The following EPHA3 variants were observed in gnomAD, a reference collection of about 807,000 sequenced individuals.
EPHA3 encodes EPH receptor A3.
EPHA3 carries 42 observed loss-of-function variants against 107.1 expected under a neutral mutation model. The observed-to-expected ratio is 0.39, with a 90% CI of 0.31 to 0.51. EPHA3 has a LOEUF of 0.51. Among genes scored for constraint, EPHA3 ranks in the 20% least tolerant of loss-of-function variants. The probability of loss-of-function intolerance (pLI) is 0.78; values close to 1 mark genes in which losing one functional copy is unlikely to be tolerated. For synonymous variants in EPHA3, 461 were observed against 424.8 expected, an observed-to-expected ratio of 1.09 and a Z score of -1.05; for missense variants, 1,183 against 1,211.2, an observed-to-expected ratio of 0.98 and a Z score of 0.35.
intron 7 of EPHA3, among the ~76,000 whole-genome samples, chr3:89,404,541 C>A (rs144273384): frequency 6.6e-6 from 1 of 152,084 alleles, no homozygotes; most frequent in Non-Finnish European, 1.5e-5. Context: ...AAAACAAATT[C>A]AAGTTGAATT....
intron 12 of EPHA3, among the ~76,000 whole-genome samples, chr3:89,430,340 A>G (rs1709542551): frequency 6.6e-6 from 1 of 152,162 alleles, no homozygotes; most frequent in African/African-American, 2.4e-5. Context: ...ATTTTCTAAG[A>G]CTGAGAAAGG....
intron 9 of EPHA3, among the ~76,000 whole-genome samples, chr3:89,409,530 G>A (rs139553401): frequency 1.3e-3 from 192 of 151,646 alleles, no homozygotes; most frequent in African/African-American, 4.1e-3. Flanking sequence ...TTCCTCTATC[G>A]TCCCAGTCTG....
chr3:89,440,739 G>C (rs1392698566), intron 13 of EPHA3, among the ~76,000 whole-genome samples: 2 of 152,172 alleles, frequency 1.3e-5, no homozygotes, highest in Admixed American at 1.3e-4. Context: ...TCCTGGAGTG[G>C]AGTTTAGCAG....
intron 3 of EPHA3, among the ~76,000 whole-genome samples, chr3:89,263,803 G>T (rs1299559723): frequency 6.6e-6 from 1 of 152,112 alleles, no homozygotes; most frequent in Non-Finnish European, 1.5e-5. Context: ...ATTTTGGGCC[G>T]TGGTTTCAGG....
chr3:89,284,330 A>C (rs1322787364), intron 3 of EPHA3, among the ~76,000 whole-genome samples: 1 of 152,192 alleles, frequency 6.6e-6, no homozygotes, highest in Non-Finnish European at 1.5e-5. Context: ...ATTGAAAAAA[A>C]TAAACCATTT....
At chr3:89,294,297 C>T (rs1706291751) in intron 3 of EPHA3, among the ~76,000 whole-genome samples, 1 of 152,140 alleles carries the variant, frequency 6.6e-6, no homozygotes, top group Non-Finnish European at 1.5e-5. Context: ...GTTGAAATAA[C>T]CATCCTTTCT....
At position 89,364,056 on chromosome 3, in the gene EPHA3, A is replaced by G. The variant is rs1262123714; in HGVS notation, c.1306+21966A>G. 1.3e-5 allele frequency among the ~76,000 whole-genome samples: 2 copies of G among 150,796 alleles called. 1 individual carries two copies. Among genetic ancestry groups the G allele is most frequent in the Non-Finnish European group, 3.0e-5 (2 of 67,368 alleles). On this transcript the variant is annotated intron_variant, in intron 5 of 16. Coordinates refer to ENST00000336596, the MANE Select transcript of EPHA3 (RefSeq NM_005233.6). ...TATTGGTAAATATTTTCATGTCAAC[A>G]TTACCCTTTTGGAGATCACCTTCTT... is the stretch of plus-strand genomic sequence containing the variant.
At chr3:89,237,076 T>C (rs1704782222) in intron 3 of EPHA3, among the ~76,000 whole-genome samples, 1 of 152,160 alleles carries the variant, frequency 6.6e-6, no homozygotes, top group Non-Finnish European at 1.5e-5. Flanking sequence ...AATACATAAA[T>C]ATAAGCCAGA....
At chr3:89,345,084 C>A (rs1258889860) in intron 5 of EPHA3, among the ~76,000 whole-genome samples, 1 of 150,626 alleles carries the variant, frequency 6.6e-6, no homozygotes, top group Non-Finnish European at 1.5e-5. Flanking sequence ...TTCTTCTGGA[C>A]AAAAACAATC....
chr3:89,193,315 A>G (rs1292493596), intron 2 of EPHA3, among the ~76,000 whole-genome samples: 7 of 152,040 alleles, frequency 4.6e-5, no homozygotes, highest in Non-Finnish European at 1.0e-4. Context: ...GATAAGCTAC[A>G]AGTTTGTAGC....
At position 89,479,718 on chromosome 3, in the gene EPHA3, C is replaced by A; in HGVS notation, c.*216C>A. On this transcript the variant is annotated 3_prime_UTR_variant, in exon 17 of 17. Transcript: ENST00000336596. The stretch of plus-strand genomic sequence containing the variant: ...TGGGTGGGGTATTTTTTTGTAATTG[C>A]TTTTTTAAATATTAGTTAATGGATT... 1 of 474,668 alleles carries A rather than the reference C, an allele frequency of 2.1e-6. No individual in the cohort carries two copies. The allele number at this position is 474,668 out of a possible 1,614,324, so 29.4% of individuals were successfully genotyped here.
intron 10 of EPHA3, among the ~76,000 whole-genome samples, chr3:89,414,498 C>T (rs150148875): frequency 6.6e-6 from 1 of 151,760 alleles, no homozygotes; most frequent in East Asian, 1.9e-4. Flanking sequence ...TCAGTCCTGA[C>T]TTCTGAACAG....
rs1165172952 is a variant in EPHA3, at chr3:89,209,990, T to C, written c.284T>C (p.Ile95Thr). 2 of 1,613,810 alleles carry C rather than the reference T, an allele frequency of 1.2e-6. No homozygotes were observed. Among genetic ancestry groups the C allele is most frequent in the Admixed American group, 1.7e-5 (1 of 59,930 alleles). Residue 95 changes from isoleucine to threonine, a missense_variant, in exon 3 of 17, where the codon ATT (isoleucine) becomes ACT (threonine). Ile to Thr is a moderately conservative substitution (Grantham distance 89, BLOSUM62 -1). Transcript: ENST00000336596. ...NWVPRNSAQK[I>T]YVELKFTLRD... ...GTCCCCAGGAACTCAGCTCAGAAGA[T>C]TTATGTGGAGCTCAAGTTCACTCTA...
intron 2 of EPHA3, among the ~76,000 whole-genome samples, chr3:89,138,813 T>G (rs1704368525): frequency 6.6e-6 from 1 of 151,858 alleles, no homozygotes; most frequent in Non-Finnish European, 1.5e-5. Flanking sequence ...AAATCAAATC[T>G]TCATTATTTT....
intron 3 of EPHA3, among the ~76,000 whole-genome samples, chr3:89,245,648 A>T (rs972074553): frequency 2.0e-5 from 3 of 152,228 alleles, no homozygotes; most frequent in African/African-American, 7.2e-5. Context: ...AATGGGCAAG[A>T]TTAATTTGTA....
intron 2 of EPHA3, among the ~76,000 whole-genome samples, chr3:89,184,385 G>T (rs1705513937): frequency 6.6e-6 from 1 of 151,922 alleles, no homozygotes; most frequent in Non-Finnish European, 1.5e-5. Flanking sequence ...CTCTATTTGT[G>T]TTTGAAAGGC....
intron 5 of EPHA3, 47 bp from the exon 6 acceptor site, chr3:89,395,790 C>T (rs1463126418): frequency 2.5e-6 from 4 of 1,608,006 alleles, no homozygotes; most frequent in African/African-American, 1.3e-5. Context: ...CTTTCTAACC[C>T]ATTAATTTGC....
At chr3:89,466,518 G>A (rs1315993033) in intron 15 of EPHA3, among the ~76,000 whole-genome samples, 2 of 134,024 alleles carry the variant, frequency 1.5e-5, no homozygotes, top group Non-Finnish European at 3.2e-5. Context: ...GCCAGGTGTG[G>A]GATATAGTCT....
intron 7 of EPHA3, among the ~76,000 whole-genome samples, chr3:89,406,504 G>A (rs1245164788): frequency 6.6e-6 from 1 of 152,112 alleles, no homozygotes; most frequent in Admixed American, 6.6e-5. Context: ...CATAAAATCA[G>A]TCATAGACAA....
Sources: gnomAD v4.1 joint callset for allele counts (sites outside exome capture counted in the v4.1 genomes callset) on GRCh38, gnomAD v4.1.1 for gene constraint, MANE v1.5 for transcripts, NCBI Gene and HGNC (gene_info 2026-07-23, HGNC 2026-07-21) for gene names.